SMARCA1: variants seen among roughly 807,000 people sequenced by gnomAD.
SMARCA1 encodes the protein SWI/SNF-related matrix-associated actin-dependent regulator of chromatin subfamily A member 1.
A neutral mutation model predicts 93.6 loss-of-function variants in SMARCA1; 17 were observed. That is an observed-to-expected ratio of 0.18 (90% CI 0.12 to 0.27). SMARCA1 has a LOEUF of 0.27. SMARCA1 is among the 10% of genes least tolerant of loss of function. The pLI is 1.00. For missense variants in SMARCA1, 630 were observed against 819.0 expected, an observed-to-expected ratio of 0.77 and a Z score of 2.82; for synonymous variants, 271 against 271.4, an observed-to-expected ratio of 1.00 and a Z score of 0.01.
At chrX:129,447,325 A>C (rs1402306307) in intron 24 of SMARCA1, 92 bp from the exon 25 acceptor site, 1 of 979,501 alleles carries the variant, frequency 1.0e-6, no homozygotes, top group Non-Finnish European at 1.3e-6. Flanking sequence ...GCATTAAAAA[A>C]AAATTTTAAC....
chrX:129,483,098 A>T (rs1251508945), intron 17 of SMARCA1, among the ~76,000 whole-genome samples: 2 of 112,436 alleles, frequency 1.8e-5, no homozygotes, highest in Non-Finnish European at 3.8e-5. Context: ...TCAATGTGGA[A>T]AGTTAGAGAA....
intron 9 of SMARCA1, among the ~76,000 whole-genome samples, chrX:129,503,231 A>G (rs1192275955): frequency 8.9e-6 from 1 of 112,260 alleles, no homozygotes; most frequent in African/African-American, 3.2e-5. Flanking sequence ...GATCACCAGT[A>G]TCATGACATC....
intron 23 of SMARCA1, among the ~76,000 whole-genome samples, chrX:129,449,706 A>G (rs1343851185): frequency 9.0e-6 from 1 of 111,677 alleles, no homozygotes; most frequent in Non-Finnish European, 1.9e-5. Flanking sequence ...CCTTTTCTGT[A>G]TAAGCAAAAA....
At chrX:129,452,961 C>T (rs1464729700) in intron 23 of SMARCA1, among the ~76,000 whole-genome samples, 2 of 111,495 alleles carry the variant, frequency 1.8e-5, no homozygotes, top group East Asian at 5.6e-4. Flanking sequence ...ATATCTGTTA[C>T]GGTGACCTGT....
chrX:129,468,954 C>G, intron 20 of SMARCA1, 49 bp from the exon 21 acceptor site: 3 of 849,918 alleles, frequency 3.5e-6, no homozygotes, highest in African/African-American at 2.0e-5. Context: ...ATTAATAAAT[C>G]CATTTATTGC....
At chrX:129,521,123 T>C (rs182331684) in intron 1 of SMARCA1, among the ~76,000 whole-genome samples, 2,535 of 110,944 alleles carry the variant, frequency 0.023, 84 homozygotes, top group African/African-American at 0.078. Context: ...TGACCTCAAG[T>C]GATCTACCCG....
rs905391031 is a variant in SMARCA1 at position 129,468,784 on chromosome X, A to G, written c.2687T>C (p.Met896Thr). ...AATTATATACAAACCTGAATACTCCATGACCTCCTCAGGGGATTTGCCCTC... is the reference window on the plus strand; with the variant it reads ...AATTATATACAAACCTGAATACTCCGTGACCTCCTCAGGGGATTTGCCCTC... ...EVEGKSPEEV[M>T]EYSAVFWERC... The change falls in exon 21 of 25, where the codon ATG (methionine) becomes ACG (threonine). Residue 896 changes from methionine (M) to threonine (T), a missense_variant. Coordinates refer to ENST00000371121, the MANE Select transcript of SMARCA1 (RefSeq NM_001282874.2). 8.4e-7 allele frequency: 1 copy of G among 1,186,548 alleles called. No homozygotes were observed. The highest frequency in any genetic ancestry group is 1.7e-5 in the African/African-American group (1 of 57,178).
At chrX:129,501,701 T>C (rs12835973) in intron 9 of SMARCA1, among the ~76,000 whole-genome samples, 54 of 94,781 alleles carry the variant, frequency 5.7e-4, no homozygotes, top group Middle Eastern at 6.9e-3. Flanking sequence ...GCAACCTCCG[T>C]CTCCCAGGTT....
chrX:129,489,760 T>C (rs1283838649), intron 15 of SMARCA1, among the ~76,000 whole-genome samples: 5 of 111,909 alleles, frequency 4.5e-5, no homozygotes, highest in Admixed American at 2.8e-4. Context: ...GGATTCACCA[T>C]GTTGGCCAGG....
intron 18 of SMARCA1, 27 bp from the exon 19 acceptor site, chrX:129,480,841 A>G (rs1933621854): frequency 2.2e-6 from 2 of 924,371 alleles, no homozygotes; most frequent in Non-Finnish European, 3.0e-6. Context: ...TGTATTATAT[A>G]TACTTCTTTT....
chrX:129,465,496 A>G (rs897516336), intron 23 of SMARCA1, 24 bp downstream of exon 23: 19 of 1,075,944 alleles, frequency 1.8e-5, no homozygotes, highest in Non-Finnish European at 2.3e-5. Context: ...AGTTGGAGGA[A>G]ATCGGTAAGA....
chrX:129,504,612 G>A, intron 9 of SMARCA1, 122 bp downstream of exon 9: 1 of 292,030 alleles, frequency 3.4e-6, no homozygotes, highest in Non-Finnish European at 6.4e-6. Flanking sequence ...TTAGGAGGGA[G>A]AAACAGTGAC....
intron 19 of SMARCA1, among the ~76,000 whole-genome samples, chrX:129,476,028 G>GA (rs1413149866): frequency 4.5e-5 from 5 of 112,171 alleles, no homozygotes; most frequent in African/African-American, 1.6e-4. Flanking sequence ...CTTTAGCTTC[G>GA]AATGTGGCAA....
intron 19 of SMARCA1, among the ~76,000 whole-genome samples, chrX:129,479,800 C>T (rs1051781121): frequency 1.8e-5 from 2 of 110,018 alleles, no homozygotes; most frequent in Non-Finnish European, 3.8e-5. Context: ...CAGGATCAAG[C>T]GATTCTCCTG....
In SMARCA1 at chrX:129,521,207, C is replaced by A. The variant is rs764111952; in HGVS notation, c.174+1990G>T. On this transcript the variant is annotated intron_variant, in intron 1 of 24. Coordinates refer to ENST00000371121, the MANE Select transcript of SMARCA1 (RefSeq NM_001282874.2). Reference sequence around the variant, plus strand: ...GGCTGGAAAAATTATTTTTAAAAATCAACACAACACTGCAAGAGTCTGGTA... The same window carrying A: ...GGCTGGAAAAATTATTTTTAAAAATAAACACAACACTGCAAGAGTCTGGTA... Among the ~76,000 whole-genome samples, 4 of 111,934 alleles carry A rather than the reference C, an allele frequency of 3.6e-5. No homozygotes were observed. The East Asian group carries it at 1.1e-3, about 31-fold the overall frequency.
chrX:129,506,453 A>G (rs3131252), intron 7 of SMARCA1, among the ~76,000 whole-genome samples: 28,871 of 109,568 alleles, frequency 0.26, 4,276 homozygotes, highest in African/African-American at 0.56. Flanking sequence ...TTGGGTGGCC[A>G]AGGCAGGTGG....
chrX:129,501,985 G>A (rs1934584923), intron 9 of SMARCA1, among the ~76,000 whole-genome samples: 1 of 111,992 alleles, frequency 8.9e-6, no homozygotes, highest in African/African-American at 3.2e-5. Context: ...TACATGTGTA[G>A]AACTTAAGTA....
At position 129,523,456 on chromosome X, in the gene SMARCA1, A is replaced by T. The variant is rs1010957779; in HGVS notation, c.-86T>A. The T allele has an allele frequency of 4.2e-5, 33 of 789,511 alleles. No homozygotes were observed. The highest frequency in any genetic ancestry group is 5.5e-5 in the Non-Finnish European group (31 of 562,107). The allele number at this position is 789,511 out of a possible 1,213,427, so 65.1% of individuals were successfully genotyped here. ...CAGTGGCTGCACTGGAAAGAGCTAG[A>T]TGGAGCAGGGGTGGGGAATCACTCC... On this transcript the variant is annotated 5_prime_UTR_variant, in exon 1 of 25. Transcript: ENST00000371121.
chrX:129,487,458 T>C (rs1933940530), intron 16 of SMARCA1, among the ~76,000 whole-genome samples: 1 of 112,834 alleles, frequency 8.9e-6, no homozygotes, highest in East Asian at 2.7e-4. Context: ...AAGGCAAAGA[T>C]GGACTAAAAA....
Sources: allele counts gnomAD v4.1 joint callset (sites outside exome capture counted in the v4.1 genomes callset), GRCh38; gene constraint gnomAD v4.1.1; transcripts MANE v1.5; gene names NCBI Gene and HGNC (gene_info 2026-07-23, HGNC 2026-07-21).